ENPP3: variants seen among roughly 807,000 people sequenced by gnomAD.
ENPP3 encodes ectonucleotide pyrophosphatase/phosphodiesterase family member 3.
ENPP3 carries 104 observed loss-of-function variants against 117.8 expected under a neutral mutation model. The observed-to-expected ratio is 0.88, with a 90% confidence interval of 0.75 to 1.04. ENPP3 has a LOEUF of 1.04. Among genes scored for constraint, ENPP3 ranks in the 50% least tolerant of loss-of-function variants. The pLI is 0.00. For missense variants in ENPP3, 1,026 were observed against 1,051.9 expected, an observed-to-expected ratio of 0.98 and a Z score of 0.34; for synonymous variants, 380 against 349.9, an observed-to-expected ratio of 1.09 and a Z score of -0.96.
At chr6:131,648,478 C>T (rs1778194909) in intron 2 of ENPP3, among the ~76,000 whole-genome samples, 1 of 152,018 alleles carries the variant, frequency 6.6e-6, no homozygotes, top group Admixed American at 6.6e-5. Flanking sequence ...TTCACTGTTA[C>T]TTTGCAGTTA....
At chr6:131,665,721 C>CT (rs1435505240) in intron 6 of ENPP3, among the ~76,000 whole-genome samples, 1 of 152,032 alleles carries the variant, frequency 6.6e-6, no homozygotes, top group Non-Finnish European at 1.5e-5. Context: ...TCTCCATTCT[C>CT]TATTTCATTT....
intron 7 of ENPP3, among the ~76,000 whole-genome samples, chr6:131,673,425 C>A (rs1368718698): frequency 6.6e-6 from 1 of 152,112 alleles, no homozygotes; most frequent in African/African-American, 2.4e-5. Context: ...TCATCCTTAG[C>A]AAACTATATA....
chr6:131,653,185 G>A (rs936740170), intron 5 of ENPP3, among the ~76,000 whole-genome samples: 2 of 152,074 alleles, frequency 1.3e-5, no homozygotes, highest in African/African-American at 2.4e-5. Flanking sequence ...GCTGGAGCGC[G>A]GTGGTGCAAT....
At chr6:131,738,545 A>G (rs990059299) in intron 23 of ENPP3, among the ~76,000 whole-genome samples, 3 of 150,928 alleles carry the variant, frequency 2.0e-5, no homozygotes, top group Non-Finnish European at 1.5e-5. Flanking sequence ...ATTTTACAAG[A>G]ATAGTGAAAA....
At chr6:131,736,409 A>G (rs746263199) in intron 21 of ENPP3, among the ~76,000 whole-genome samples, 6 of 152,210 alleles carry the variant, frequency 3.9e-5, no homozygotes, top group Non-Finnish European at 7.3e-5. Context: ...GATATCTTAC[A>G]TGGCTGCAGG....
chr6:131,647,989 GTCTT>G (rs778535865), intron 2 of ENPP3, among the ~76,000 whole-genome samples: 8 of 150,786 alleles, frequency 5.3e-5, no homozygotes, highest in Non-Finnish European at 7.4e-5. Flanking sequence ...TTGCCTTTCT[GTCTT>G]TCTTTATCTC....
At chr6:131,648,092 A>G (rs1332495258) in intron 2 of ENPP3, among the ~76,000 whole-genome samples, 7 of 151,958 alleles carry the variant, frequency 4.6e-5, no homozygotes, top group Admixed American at 4.6e-4. Context: ...GAACAACTGT[A>G]TATCTCATTG....
chr6:131,735,414 T>C (rs1321100494), intron 21 of ENPP3, among the ~76,000 whole-genome samples: 1 of 152,134 alleles, frequency 6.6e-6, no homozygotes, highest in African/African-American at 2.4e-5. Context: ...AAAAAAGAGC[T>C]ACTTGTTTCT....
intron 18 of ENPP3, among the ~76,000 whole-genome samples, chr6:131,722,990 C>T (rs1189741299): frequency 6.6e-6 from 1 of 152,138 alleles, no homozygotes; most frequent in Non-Finnish European, 1.5e-5. Flanking sequence ...GGAGAGGCCC[C>T]AAGGGCAAGG....
At position 131,746,918 on chromosome 6, in the gene ENPP3, C is replaced by A. The variant is rs1331422287; in HGVS notation, c.2590C>A (p.Leu864Ile). The A allele has an allele frequency of 6.2e-7, 1 of 1,609,104 alleles. No individual in the cohort carries two copies. The highest frequency in any genetic ancestry group is 1.3e-5 in the African/African-American group (1 of 74,790). The part of the protein sequence containing the change: ...KVQPVSEILQ[L>I]KTYLPTFETT... The stretch of plus-strand genomic sequence containing the variant: ...GCAGCCTGTCTCTGAAATTTTGCAA[C>A]TAAAGACATATTTACCAACATTTGA... Residue 864 changes from leucine (L) to isoleucine (I), a missense_variant, in exon 25 of 25, where the codon CTA (leucine) becomes ATA (isoleucine). Physicochemically the swap from Leu to Ile is conservative, Grantham distance 5. Transcript: ENST00000357639.
chr6:131,701,650 G>A (rs1474584670), intron 15 of ENPP3, among the ~76,000 whole-genome samples: 1 of 149,162 alleles, frequency 6.7e-6, no homozygotes, highest in African/African-American at 2.5e-5. Flanking sequence ...GGAGGCCGAG[G>A]CGGGCGGATT....
intron 15 of ENPP3, among the ~76,000 whole-genome samples, chr6:131,703,546 G>T (rs1317259340): frequency 7.3e-6 from 1 of 136,084 alleles, no homozygotes; most frequent in Non-Finnish European, 1.5e-5. Context: ...TGATATTAAA[G>T]TGTGACGGTA....
intron 1 of ENPP3, chr6:131,638,591 T>C (rs1449000952): frequency 1.1e-5 from 4 of 379,376 alleles, no homozygotes; most frequent in African/African-American, 8.6e-5. Context: ...GTTTTTTTCT[T>C]TCTTTTCTTT....
chr6:131,652,744 C>T (rs966576431), intron 4 of ENPP3, 77 bp downstream of exon 4: 42 of 1,593,516 alleles, frequency 2.6e-5, no homozygotes, highest in Non-Finnish European at 3.4e-5. Flanking sequence ...CCATGCTAGG[C>T]TGCAAAAATC....
At chr6:131,680,381 G>C (rs1778998615) in intron 11 of ENPP3, among the ~76,000 whole-genome samples, 1 of 152,154 alleles carries the variant, frequency 6.6e-6, no homozygotes. Flanking sequence ...TAAGTTTGGG[G>C]AGATGCTTGT....
intron 11 of ENPP3, among the ~76,000 whole-genome samples, chr6:131,682,629 G>A (rs1318280914): frequency 3.3e-5 from 5 of 152,170 alleles, no homozygotes; most frequent in African/African-American, 9.7e-5. Context: ...AAGTAGAATC[G>A]TTGAGTTGCA....
intron 6 of ENPP3, among the ~76,000 whole-genome samples, chr6:131,660,206 G>T (rs542206939): frequency 5.3e-4 from 80 of 152,214 alleles, no homozygotes; most frequent in African/African-American, 1.9e-3. Context: ...GAGAGATGTG[G>T]TTAAATAGGA....
intron 18 of ENPP3, among the ~76,000 whole-genome samples, chr6:131,723,827 T>TCACACACACACA (rs1554268188): frequency 2.7e-5 from 4 of 145,946 alleles, no homozygotes; most frequent in African/African-American, 1.0e-4. Context: ...TCTCTCTCTC[T>TCACACACACACA]CACACACACA....
Position 131,737,416 on chromosome 6 carries a change from G to A in ENPP3, c.2151G>A (p.Met717Ile). The change falls in exon 22 of 25, where the codon ATG becomes ATA. Residue 717 changes from methionine (M) to isoleucine (I), a missense_variant. Physicochemically the swap from Met to Ile is conservative, Grantham distance 10. Coordinates refer to ENST00000357639, the MANE Select transcript of ENPP3 (RefSeq NM_005021.5). Reference protein sequence around the residue: ...DALITSNLVPMYEEFRKMWDY... With the variant: ...DALITSNLVPIYEEFRKMWDY... ...TAATTACTAGCAATTTGGTACCTAT[G>A]TATGAAGAATTCAGAAGTAAGTATG... 4.4e-6 allele frequency: 7 copies of A among 1,586,184 alleles called. No homozygotes were observed. Among genetic ancestry groups the A allele is most frequent in the South Asian group, 1.1e-5 (1 of 89,930 alleles).
Sources: allele counts gnomAD v4.1 joint callset (sites outside exome capture counted in the v4.1 genomes callset), GRCh38; gene constraint gnomAD v4.1.1; transcripts MANE v1.5; gene names NCBI Gene and HGNC (gene_info 2026-07-23, HGNC 2026-07-21).